SEZ6: variants seen among roughly 807,000 people sequenced by gnomAD.
SEZ6 encodes seizure related 6 homolog, also known as seizure protein 6 homolog.
Under a neutral mutation model 101.0 loss-of-function variants are expected in SEZ6, and 53 were observed. The observed-to-expected ratio is 0.52, with a 90% CI of 0.42 to 0.66. The LOEUF (loss-of-function observed/expected upper bound fraction) is 0.66. Among genes scored for constraint, SEZ6 ranks in the 30% least tolerant of loss-of-function variants. SEZ6 has a pLI of 0.00. For missense variants in SEZ6, 1,102 were observed against 1,289.4 expected (o/e 0.85, Z 2.23); for synonymous variants, 488 against 512.2 (o/e 0.95, Z 0.64).
At chr17:28,980,006 CTT>C (rs80050742) in intron 2 of SEZ6, among the ~76,000 whole-genome samples, 193 bp from the exon 3 acceptor site, 4 of 138,004 alleles carry the variant, frequency 2.9e-5, no homozygotes, top group Non-Finnish European at 1.6e-5. Flanking sequence ...CATGTGCAAT[CTT>C]TTTTTTTTTT....
intron 4 of SEZ6, among the ~76,000 whole-genome samples, chr17:28,966,041 G>A (rs1055147728): frequency 6.6e-6 from 1 of 152,006 alleles, no homozygotes; most frequent in African/African-American, 2.4e-5. Flanking sequence ...TACTCGGGAG[G>A]CTGAGGCAGG....
intron 16 of SEZ6, 38 bp downstream of exon 16, chr17:28,956,121 G>A (rs753625845): frequency 1.9e-5 from 31 of 1,599,854 alleles, no homozygotes; most frequent in Non-Finnish European, 2.7e-5. Flanking sequence ...AAAGAACTGG[G>A]TCTTGGATAG....
rs1047363002 is a variant in SEZ6, at chr17:29,006,013, G to A, written c.-144C>T. 1 of 634,082 alleles carries A rather than the reference G, an allele frequency of 1.6e-6. No homozygotes were observed. The highest frequency in any genetic ancestry group is 2.2e-6 in the Non-Finnish European group (1 of 452,820). 39.3% of individuals were successfully genotyped at this position (634,082 alleles called of 1,614,324 possible). A position where few individuals can be genotyped will look rare whatever the true frequency, so the allele number is the denominator to read the frequency against. On this transcript the variant is annotated 5_prime_UTR_variant, in exon 1 of 17. Transcript: ENST00000317338. ...CGTCACCGCCGCTGCCGCCGCCAGC[G>A]CCTGACAGAATCAGCACCACGGCCA...
At chr17:28,956,953 T>C in intron 13 of SEZ6, 92 bp downstream of exon 13, 1 of 1,411,574 alleles carries the variant, frequency 7.1e-7, no homozygotes, top group Non-Finnish European at 9.6e-7. Context: ...GAAGGTGGCA[T>C]GGGCAGGTGG....
rs974408343 is a variant in SEZ6, at chr17:28,955,456, G to A, written c.*506C>T. 1 of 362,082 alleles carries A rather than the reference G, an allele frequency of 2.8e-6. No homozygotes were observed. Among genetic ancestry groups the A allele is most frequent in the Admixed American group, 3.5e-5 (1 of 28,448 alleles). The allele number at this position is 362,082 out of a possible 1,614,324, so 22.4% of individuals were successfully genotyped here. A position where few individuals can be genotyped will look rare whatever the true frequency, so the allele number is the denominator to read the frequency against. Reference sequence around the variant, plus strand: ...TAGAGAACTAGAGACCTCCCAAGAGGCTGATGTTGGCATGCCAGGACTACC... The same window carrying A: ...TAGAGAACTAGAGACCTCCCAAGAGACTGATGTTGGCATGCCAGGACTACC... On this transcript the variant is annotated 3_prime_UTR_variant, in exon 17 of 17. Coordinates refer to ENST00000317338, the MANE Select transcript of SEZ6 (RefSeq NM_178860.5).
At chr17:28,983,496 T>G (rs1220734999) in intron 1 of SEZ6, among the ~76,000 whole-genome samples, 1 of 152,208 alleles carries the variant, frequency 6.6e-6, no homozygotes, top group African/African-American at 2.4e-5. Context: ...AGATTGGCTC[T>G]GGGGGATGAA....
At chr17:28,980,891 A>G (rs2041291017) in intron 2 of SEZ6, among the ~76,000 whole-genome samples, 1 of 151,952 alleles carries the variant, frequency 6.6e-6, no homozygotes, top group Non-Finnish European at 1.5e-5. Context: ...TATAGTTGGA[A>G]GAATCAAGAT....
intron 4 of SEZ6, among the ~76,000 whole-genome samples, chr17:28,966,755 T>C (rs1012933684): frequency 2.7e-5 from 4 of 146,756 alleles, no homozygotes; most frequent in Non-Finnish European, 4.5e-5. Context: ...TTCCCCCCCA[T>C]TAAAAAGAAA....
rs1176450506 is a variant in SEZ6 at position 28,959,589 on chromosome 17, G to A, written c.1771+109C>T. 8.4e-6 allele frequency: 13 copies of A among 1,544,948 alleles called. No homozygotes were observed. Among genetic ancestry groups the A allele is most frequent in the East Asian group, 6.8e-5 (3 of 44,382 alleles). On this transcript the variant is annotated intron_variant, in intron 8 of 16. Coordinates refer to ENST00000317338, the MANE Select transcript of SEZ6 (RefSeq NM_178860.5). This position sits in a 1 kb window ranked among gnomAD's most constrained non-coding sequence, Gnocchi z 4.4. The stretch of plus-strand genomic sequence containing the variant: ...ACCCCCCACCTCCTCCTTGGAGGAA[G>A]CCTGAACCACGCATATCACAGGGCC...
rs368458208 is a variant in SEZ6 at position 28,979,881 on chromosome 17, G to A, written c.725-68C>T. The A allele has an allele frequency of 2.3e-4, 28 of 122,458 alleles. No homozygotes were observed. The African/African-American group carries it at 4.0e-3, about 18-fold the overall frequency. The allele number at this position is 122,458 out of a possible 1,614,324, so 7.6% of individuals were successfully genotyped here. On this transcript the variant is annotated intron_variant, in intron 2 of 16. Coordinates refer to ENST00000317338, the MANE Select transcript of SEZ6 (RefSeq NM_178860.5). ...GAAGTGGTCCAACTAAGGCTGAACC[G>A]TGTGTGTGTGTGTGTGTGTGTGTGT...
At chr17:28,961,513 A>T (rs2152684230) in intron 5 of SEZ6, among the ~76,000 whole-genome samples, 1 of 152,106 alleles carries the variant, frequency 6.6e-6, no homozygotes, top group South Asian at 2.1e-4. Flanking sequence ...GAGTGAATGA[A>T]TGTAAAAAGG....
At chr17:28,994,724 TAG>T (rs925929054) in intron 1 of SEZ6, among the ~76,000 whole-genome samples, 8 of 151,788 alleles carry the variant, frequency 5.3e-5, no homozygotes, top group Non-Finnish European at 8.8e-5. Flanking sequence ...ACTGACTTTT[TAG>T]AGAGTCTTTT....
chr17:28,964,422 C>A (rs1217540547), intron 4 of SEZ6, among the ~76,000 whole-genome samples: 2 of 152,146 alleles, frequency 1.3e-5, no homozygotes, highest in Non-Finnish European at 2.9e-5. Context: ...GTTATTTAAT[C>A]TTTGTGTGTG....
At chr17:28,986,282 G>T (rs2041382295) in intron 1 of SEZ6, among the ~76,000 whole-genome samples, 1 of 152,212 alleles carries the variant, frequency 6.6e-6, no homozygotes, top group African/African-American at 2.4e-5. Context: ...CCCCTCTTGG[G>T]ATTGGAGGCC....
At position 28,957,126 on chromosome 17, in the gene SEZ6, C is replaced by T. The variant is rs1353041288; in HGVS notation, c.2611G>A (p.Val871Met). 3 of 1,613,842 alleles carry T rather than the reference C, an allele frequency of 1.9e-6. No individual in the cohort carries two copies. The highest frequency in any genetic ancestry group is 2.2e-5 in the East Asian group (1 of 44,884). Reference protein sequence around the residue: ...TIHFSCAPGYVLKGQASIKCV... With the variant: ...TIHFSCAPGYMLKGQASIKCV... ...TTGATGCTGGCCTGGCCCTTCAGCACATAGCCAGGGGCACACGAGAAGTGG... is the reference window on the plus strand; with the variant it reads ...TTGATGCTGGCCTGGCCCTTCAGCATATAGCCAGGGGCACACGAGAAGTGG... Residue 871 changes from valine to methionine, a missense_variant, in exon 13 of 17, where the codon GTG becomes ATG. By Grantham distance (21) the Val-to-Met change is conservative (BLOSUM62 1). Coordinates refer to ENST00000317338, the MANE Select transcript of SEZ6 (RefSeq NM_178860.5).
At chr17:29,000,623 C>T (rs1027117712) in intron 1 of SEZ6, among the ~76,000 whole-genome samples, 1 of 152,136 alleles carries the variant, frequency 6.6e-6, no homozygotes, top group African/African-American at 2.4e-5. Context: ...CATTAAAGGG[C>T]ATGTAGGCTC....
rs77394123 is a variant in SEZ6 at position 28,970,957 on chromosome 17, C to T, written c.859-1005G>A. On this transcript the variant is annotated intron_variant, in intron 3 of 16. Transcript: ENST00000317338. ...TCTGAGCCTCTTTCTCCGATCCTTTCCCCTGGCTGTCACAGTCTCCTCTGC... is the reference window on the plus strand; with the variant it reads ...TCTGAGCCTCTTTCTCCGATCCTTTTCCCTGGCTGTCACAGTCTCCTCTGC... Among the ~76,000 whole-genome samples, 204 of 152,360 alleles carry T rather than the reference C, an allele frequency of 1.3e-3. 3 individuals are homozygous for T. The East Asian group carries it at 0.037, about 28-fold the overall frequency.
In SEZ6 at chr17:28,969,745, C is replaced by T. The variant is rs199830970; in HGVS notation, c.1054+12G>A. ...TCTGGGCTGGTTCCACCTTCAACTA[C>T]CCAGGCCTTACCTTGGTAATGGAAA... is the stretch of plus-strand genomic sequence containing the variant. On this transcript the variant is annotated intron_variant, in intron 4 of 16. Coordinates refer to ENST00000317338, the MANE Select transcript of SEZ6 (RefSeq NM_178860.5). 69 of 1,475,138 alleles carry T rather than the reference C, an allele frequency of 4.7e-5. 1 individual carries two copies. The East Asian group carries it at 1.7e-3, about 37-fold the overall frequency. 91.4% of individuals were successfully genotyped at this position (1,475,138 alleles called of 1,614,324 possible).
chr17:28,979,813 C>T lies in SEZ6; in HGVS notation c.725G>A (p.Gly242Asp). 1 of 1,607,268 alleles carries T rather than the reference C, an allele frequency of 6.2e-7. No homozygotes were observed. The highest frequency in any genetic ancestry group is 8.5e-7 in the Non-Finnish European group (1 of 1,176,900). ...GCCTGAGAAATTCCAGCTACAAGGG[C>T]CTGGGAGGCAGGAGGAGACACAAAG... ...TTTITTVQTPGPCSWNFSGPE... is the reference protein window; with the variant it reads ...TTTITTVQTPDPCSWNFSGPE... The change falls in exon 3 of 17, where the codon GGC (glycine) becomes GAC (aspartate). Residue 242 changes from glycine (G) to aspartate (D), a missense_variant and splice_region_variant. By Grantham distance (94) the Gly-to-Asp change is moderately conservative. This residue lies in a region of SEZ6 where 406 missense variants were observed against 418.6 expected (regional missense o/e 0.97). Coordinates refer to ENST00000317338, the MANE Select transcript of SEZ6 (RefSeq NM_178860.5).
Sources: gnomAD v4.1 joint callset for allele counts (sites outside exome capture counted in the v4.1 genomes callset) on GRCh38, gnomAD v4.1.1 for gene constraint, gnomAD v4.1.1 regional missense constraint, Gnocchi (gnomAD v3.1) non-coding constraint, MANE v1.5 for transcripts, NCBI Gene and HGNC (gene_info 2026-07-23, HGNC 2026-07-21) for gene names.